The following SRGAP1 variants were observed in gnomAD, a reference collection of about 807,000 sequenced individuals.
SRGAP1 encodes SLIT-ROBO Rho GTPase-activating protein 1.
Under a neutral mutation model 121.9 loss-of-function variants are expected in SRGAP1, and 43 were observed. That is an observed-to-expected ratio of 0.35 (90% CI 0.28 to 0.46). The LOEUF (loss-of-function observed/expected upper bound fraction) is 0.46. SRGAP1 is among the 20% of genes least tolerant of loss of function. The pLI, the probability that SRGAP1 is intolerant of heterozygous loss-of-function variation, is 1.00. For missense variants in SRGAP1, 1,102 were observed against 1,350.9 expected (o/e 0.82, Z 2.89); for synonymous variants, 447 against 485.4 (o/e 0.92, Z 1.04).
chr12:64,074,632 T>G (rs1005489537), intron 8 of SRGAP1, among the ~76,000 whole-genome samples: 5 of 152,298 alleles, frequency 3.3e-5, no homozygotes, highest in African/African-American at 1.2e-4. Flanking sequence ...GAATGGCACC[T>G]TCCCTGACTT....
intron 15 of SRGAP1, among the ~76,000 whole-genome samples, chr12:64,101,301 G>A (rs2036249597): frequency 6.9e-6 from 1 of 145,926 alleles, no homozygotes; most frequent in Non-Finnish European, 1.5e-5. Flanking sequence ...GATTGTTTGG[G>A]GAAAGGGGTG....
intron 1 of SRGAP1, among the ~76,000 whole-genome samples, chr12:63,902,123 T>C (rs2029964685): frequency 6.6e-6 from 1 of 152,224 alleles, no homozygotes; most frequent in African/African-American, 2.4e-5. Flanking sequence ...GAAACCAGCC[T>C]GGGCAACATG....
At chr12:63,878,354 T>G (rs1023718225) in intron 1 of SRGAP1, among the ~76,000 whole-genome samples, 10 of 152,240 alleles carry the variant, frequency 6.6e-5, no homozygotes, top group Admixed American at 6.5e-4. Flanking sequence ...TGGGCATGGC[T>G]GTATTCTAAT....
chr12:64,011,937 A>G (rs1223850443), intron 3 of SRGAP1, among the ~76,000 whole-genome samples: 2 of 152,068 alleles, frequency 1.3e-5, no homozygotes, highest in Admixed American at 1.3e-4. Flanking sequence ...CCCTCTCTAC[A>G]TAAAATACAA....
At chr12:64,142,237 A>C (rs376540269) in intron 21 of SRGAP1, 58 bp from the exon 22 acceptor site, 2 of 1,558,632 alleles carry the variant, frequency 1.3e-6, no homozygotes, top group East Asian at 4.5e-5. Context: ...CTGGGTTTCT[A>C]TACATTAGTA....
At position 64,083,462 on chromosome 12, in the gene SRGAP1, A is replaced by G. The variant is rs568441193; in HGVS notation, c.1408+3092A>G. On this transcript the variant is annotated intron_variant, in intron 10 of 21. Transcript: ENST00000355086. Reference sequence around the variant, plus strand: ...CCCAGTAAGTTCTTTGATTTACAACATTGTGAAGCAACTAGATTGGGCTCT... The same window carrying G: ...CCCAGTAAGTTCTTTGATTTACAACGTTGTGAAGCAACTAGATTGGGCTCT... Among the ~76,000 whole-genome samples the G allele has an allele frequency of 1.2e-3, 179 of 152,284 alleles. 1 individual carries two copies. The highest frequency in any genetic ancestry group is 2.0e-3 in the Non-Finnish European group (135 of 68,022).
At chr12:63,932,417 G>A (rs1412787773) in intron 1 of SRGAP1, among the ~76,000 whole-genome samples, 1 of 152,058 alleles carries the variant, frequency 6.6e-6, no homozygotes, top group African/African-American at 2.4e-5. Context: ...TGCAAAAAAG[G>A]CCATACAAAG....
chr12:63,996,089 G>C (rs1010937686), intron 3 of SRGAP1, among the ~76,000 whole-genome samples: 3 of 150,982 alleles, frequency 2.0e-5, no homozygotes, highest in Non-Finnish European at 4.4e-5. Flanking sequence ...TGTGAAAAAA[G>C]AACCTATTTC....
chr12:63,962,384 A>G (rs1483885190), intron 1 of SRGAP1, among the ~76,000 whole-genome samples: 1 of 152,114 alleles, frequency 6.6e-6, no homozygotes, highest in African/African-American at 2.4e-5. Flanking sequence ...TTTCCCCTTG[A>G]CCAATGGTTT....
intron 1 of SRGAP1, among the ~76,000 whole-genome samples, chr12:63,879,945 T>C (rs1900139655): frequency 6.6e-6 from 1 of 152,146 alleles, no homozygotes; most frequent in African/African-American, 2.4e-5. Flanking sequence ...TGGGTTGATA[T>C]GGTTTAGCTG....
At chr12:63,959,826 G>T (rs2032585933) in intron 1 of SRGAP1, among the ~76,000 whole-genome samples, 1 of 152,076 alleles carries the variant, frequency 6.6e-6, no homozygotes, top group Non-Finnish European at 1.5e-5. Flanking sequence ...CTCCCTCAAG[G>T]GTCACAAAGC....
intron 3 of SRGAP1, among the ~76,000 whole-genome samples, chr12:64,009,735 G>A (rs1455150360): frequency 7.0e-6 from 1 of 143,300 alleles, no homozygotes; most frequent in Non-Finnish European, 1.5e-5. Context: ...TTTTCTAGTG[G>A]CATGGAGTTT....
intron 6 of SRGAP1, among the ~76,000 whole-genome samples, chr12:64,049,960 G>A (rs2035208941): frequency 6.6e-6 from 1 of 152,038 alleles, no homozygotes; most frequent in Non-Finnish European, 1.5e-5. Flanking sequence ...AGATTGCATT[G>A]AATCTGTAGA....
intron 1 of SRGAP1, among the ~76,000 whole-genome samples, chr12:63,894,831 G>A (rs947567753): frequency 7.9e-5 from 12 of 152,090 alleles, no homozygotes; most frequent in Non-Finnish European, 1.8e-4. Flanking sequence ...ATAGTATTCC[G>A]TGGTGTATAT....
chr12:63,887,896 G>C (rs1198055266), intron 1 of SRGAP1: 1 of 152,190 alleles, frequency 6.6e-6, no homozygotes, highest in African/African-American at 2.4e-5. Context: ...GCCTTGACAG[G>C]TAATATCCTG....
intron 1 of SRGAP1, chr12:63,983,109 T>C (rs1202098140): frequency 6.6e-6 from 1 of 152,242 alleles, no homozygotes; most frequent in Non-Finnish European, 1.5e-5. Context: ...AAAGAAGTTA[T>C]TTTTAGGCAC....
At position 64,127,631 on chromosome 12, in the gene SRGAP1, G is replaced by C; in HGVS notation, c.2447G>C (p.Ser816Thr). The C allele has an allele frequency of 6.2e-7, 1 of 1,614,098 alleles. No homozygotes were observed. Among genetic ancestry groups the C allele is most frequent in the East Asian group, 2.2e-5 (1 of 44,852 alleles). The stretch of plus-strand genomic sequence containing the variant: ...GACACTCTGAGCCAAAAAGCCGACA[G>C]TGAGGCCAGCAGTGGGCCAGTCACG... ...FSDTLSQKADSEASSGPVTED... is the reference protein window; with the variant it reads ...FSDTLSQKADTEASSGPVTED... The change falls in exon 20 of 22, where the codon AGT becomes ACT. Residue 816 changes from serine (S) to threonine (T), a missense_variant. Around this residue, in one of 3 missense-constraint regions of SRGAP1, gnomAD observed 40 missense variants for 78.4 expected, o/e 0.51. Coordinates refer to ENST00000355086, the MANE Select transcript of SRGAP1 (RefSeq NM_020762.4).
intron 3 of SRGAP1, among the ~76,000 whole-genome samples, chr12:64,012,549 A>ATGTT (rs1428356285): frequency 1.0e-5 from 1 of 98,688 alleles, no homozygotes; most frequent in Admixed American, 9.4e-5. Flanking sequence ...TTAAGTTATT[A>ATGTT]TCTTTTTTTT....
chr12:64,129,444 C>T (rs1424689585), intron 21 of SRGAP1, among the ~76,000 whole-genome samples: 1 of 152,166 alleles, frequency 6.6e-6, no homozygotes, highest in East Asian at 1.9e-4. Context: ...GTGGGTCTGC[C>T]TTCCCCAGCC....
Sources: allele counts gnomAD v4.1 joint callset (sites outside exome capture counted in the v4.1 genomes callset), GRCh38; gene constraint gnomAD v4.1.1; regional missense constraint gnomAD v4.1.1; transcripts MANE v1.5; gene names NCBI Gene and HGNC (gene_info 2026-07-23, HGNC 2026-07-21).